The following KCTD8 variants were observed in gnomAD, a reference collection of about 807,000 sequenced individuals.
The protein encoded by KCTD8 is BTB/POZ domain-containing protein KCTD8.
KCTD8 carries 27 observed loss-of-function variants against 31.5 expected under a neutral mutation model. The observed-to-expected ratio is 0.86, with a 90% confidence interval of 0.63 to 1.18. KCTD8 has a LOEUF of 1.18. Among genes scored for constraint, KCTD8 ranks in the 50% most tolerant of loss-of-function variants. KCTD8 has a pLI of 0.00. For missense variants in KCTD8, 658 were observed against 647.7 expected, an observed-to-expected ratio of 1.02 and a Z score of -0.17; for synonymous variants, 290 against 280.0, an observed-to-expected ratio of 1.04 and a Z score of -0.36.
rs568514594 is a variant in KCTD8, at chr4:44,326,012, G to T, written c.961+121551C>A. Among the ~76,000 whole-genome samples the T allele has an allele frequency of 2.0e-5, 3 of 152,070 alleles. No homozygotes were observed. In the East Asian group the frequency reaches 5.8e-4, roughly 29 times the overall value. ...TAAAGACAAGCCAACCGTGACCAAG[G>T]AAGTCATTGTGCAAATGTCCAGATC... On this transcript the variant is annotated intron_variant, in intron 1 of 1. Transcript: ENST00000360029.
At chr4:44,429,357 G>T (rs1721418309) in intron 1 of KCTD8, among the ~76,000 whole-genome samples, 1 of 151,820 alleles carries the variant, frequency 6.6e-6, no homozygotes, top group Non-Finnish European at 1.5e-5. Flanking sequence ...AAAAGGAGGT[G>T]TGTTTCAAGT....
chr4:44,421,363 T>C (rs1200370008), intron 1 of KCTD8, among the ~76,000 whole-genome samples: 3 of 152,096 alleles, frequency 2.0e-5, no homozygotes. Flanking sequence ...CCTCATACTT[T>C]AAGTGTTCTT....
At chr4:44,357,212 A>G (rs1309237248) in intron 1 of KCTD8, among the ~76,000 whole-genome samples, 1 of 152,140 alleles carries the variant, frequency 6.6e-6, no homozygotes, top group Non-Finnish European at 1.5e-5. Flanking sequence ...ATTAAGAAAC[A>G]AAAAGGATAA....
chr4:44,353,802 A>G (rs181367851), intron 1 of KCTD8, among the ~76,000 whole-genome samples: 6 of 152,224 alleles, frequency 3.9e-5, no homozygotes, highest in Middle Eastern at 3.4e-3. Context: ...TCACCTTTCC[A>G]AAGTAAACTT....
chr4:44,358,290 C>G (rs1038456317), intron 1 of KCTD8, among the ~76,000 whole-genome samples: 1 of 152,170 alleles, frequency 6.6e-6, no homozygotes, highest in Non-Finnish European at 1.5e-5. Context: ...TTTATCCAGT[C>G]TATCATTGAT....
chr4:44,384,139 T>A (rs959320021), intron 1 of KCTD8, among the ~76,000 whole-genome samples: 3 of 55,398 alleles, frequency 5.4e-5, no homozygotes, highest in Non-Finnish European at 1.6e-4. Flanking sequence ...CAATGCCTAT[T>A]ATCAAAAAAA....
At chr4:44,356,255 A>G (rs1041974480) in intron 1 of KCTD8, among the ~76,000 whole-genome samples, 1 of 152,142 alleles carries the variant, frequency 6.6e-6, no homozygotes, top group African/African-American at 2.4e-5. Context: ...ATTTAGTCAG[A>G]CCCCAAATAT....
chr4:44,442,753 G>A (rs1721844262), intron 1 of KCTD8, among the ~76,000 whole-genome samples: 1 of 116,032 alleles, frequency 8.6e-6, no homozygotes, highest in African/African-American at 2.9e-5. Flanking sequence ...TTTCCAAAGA[G>A]GCTTTTTCTT....
intron 1 of KCTD8, among the ~76,000 whole-genome samples, chr4:44,371,816 G>T (rs1719794147): frequency 1.3e-5 from 2 of 152,060 alleles, no homozygotes; most frequent in Non-Finnish European, 2.9e-5. Context: ...TATCTCATTT[G>T]TTAGGTATCC....
chr4:44,303,405 T>G (rs955997746), intron 1 of KCTD8, among the ~76,000 whole-genome samples: 1 of 152,142 alleles, frequency 6.6e-6, no homozygotes, highest in Non-Finnish European at 1.5e-5. Context: ...GATCCTGTTA[T>G]TGGTCTATTC....
intron 1 of KCTD8, among the ~76,000 whole-genome samples, chr4:44,269,434 A>T (rs1442172955): frequency 1.3e-5 from 2 of 151,406 alleles, no homozygotes; most frequent in African/African-American, 2.4e-5. Context: ...AACCATAAAA[A>T]CCCTAGAAGA....
intron 1 of KCTD8, among the ~76,000 whole-genome samples, chr4:44,445,863 A>G (rs768498542): frequency 1.3e-5 from 2 of 152,230 alleles, no homozygotes; most frequent in Non-Finnish European, 2.9e-5. Context: ...AAAGGTCACA[A>G]TGATAAGAAA....
intron 1 of KCTD8, among the ~76,000 whole-genome samples, chr4:44,270,723 G>A (rs1022850728): frequency 5.3e-5 from 8 of 152,008 alleles, no homozygotes; most frequent in African/African-American, 1.9e-4. Context: ...TGGCAACCAT[G>A]CTATCCCCAA....
chr4:44,408,634 T>C (rs1560447659), intron 1 of KCTD8, among the ~76,000 whole-genome samples: 1 of 152,114 alleles, frequency 6.6e-6, no homozygotes, highest in African/African-American at 2.4e-5. Context: ...TGTTTGTTTG[T>C]TTTTAGACGG....
At chr4:44,181,501 GC>G (rs762887773) in intron 1 of KCTD8, among the ~76,000 whole-genome samples, 2 of 152,078 alleles carry the variant, frequency 1.3e-5, no homozygotes, top group African/African-American at 2.4e-5. Flanking sequence ...GCCAGCCTCG[GC>G]CCCCCGAGGC....
chr4:44,373,595 A>C (rs1719845399), intron 1 of KCTD8, among the ~76,000 whole-genome samples: 1 of 152,160 alleles, frequency 6.6e-6, no homozygotes, highest in South Asian at 2.1e-4. Flanking sequence ...GACCCATAGG[A>C]AGTATTATAC....
intron 1 of KCTD8, among the ~76,000 whole-genome samples, chr4:44,201,027 G>T (rs890058588): frequency 6.6e-6 from 1 of 151,898 alleles, no homozygotes; most frequent in Non-Finnish European, 1.5e-5. Flanking sequence ...ACCAGGCTGA[G>T]AGTCAAATAA....
chr4:44,225,815 CTTTTT>C (rs35751540), intron 1 of KCTD8, among the ~76,000 whole-genome samples: 1 of 74,450 alleles, frequency 1.3e-5, no homozygotes, highest in Non-Finnish European at 2.5e-5. Context: ...GGTTTTGTCT[CTTTTT>C]TTTTTTTTTT....
chr4:44,430,353 TCTAAA>T lies in KCTD8; in HGVS notation c.961+17205_961+17209del, dbSNP rs561000317. Among the ~76,000 whole-genome samples, 240 of 151,756 alleles carry T rather than the reference TCTAAA, an allele frequency of 1.6e-3. 1 individual carries two copies. The highest frequency in any genetic ancestry group is 5.5e-3 in the African/African-American group (229 of 41,498). ...TGTCACTGCAGTTATAAAACTGTAA[TCTAAA>T]CTAAATAACAAGGGCAGTGAACAAA... is the stretch of plus-strand genomic sequence containing the variant. On this transcript the variant is annotated intron_variant, in intron 1 of 1. Coordinates refer to ENST00000360029, the MANE Select transcript of KCTD8 (RefSeq NM_198353.3).
Sources: gnomAD v4.1 joint callset for allele counts (sites outside exome capture counted in the v4.1 genomes callset) on GRCh38, gnomAD v4.1.1 for gene constraint, MANE v1.5 for transcripts, NCBI Gene and HGNC (gene_info 2026-07-23, HGNC 2026-07-21) for gene names.